RNFT2: variants seen among roughly 807,000 people sequenced by gnomAD.
RNFT2 encodes E3 ubiquitin-protein ligase RNFT2.
A neutral mutation model predicts 53.0 loss-of-function variants in RNFT2; 36 were observed. That is an observed-to-expected ratio of 0.68 (90% CI 0.52 to 0.90). The LOEUF is 0.90. RNFT2 is among the 40% of genes least tolerant of loss of function. The pLI is 0.00. For missense variants in RNFT2, 514 were observed against 585.6 expected, an observed-to-expected ratio of 0.88 and a Z score of 1.26; for synonymous variants, 260 against 253.2, an observed-to-expected ratio of 1.03 and a Z score of -0.26.
intron 3 of RNFT2, among the ~76,000 whole-genome samples, chr12:116,743,250 T>G (rs1871727608): frequency 6.2e-5 from 1 of 16,190 alleles, no homozygotes; most frequent in African/African-American, 1.7e-4. Flanking sequence ...AAAAACCGGT[T>G]AAAAAACACT....
chr12:116,751,577 T>C (rs1461537172), intron 4 of RNFT2, among the ~76,000 whole-genome samples: 2 of 151,688 alleles, frequency 1.3e-5, no homozygotes, highest in Non-Finnish European at 2.9e-5. Context: ...CTAATTTTTG[T>C]ATTTTTTAGT....
chr12:116,764,939 C>A (rs1872847275), intron 5 of RNFT2, among the ~76,000 whole-genome samples: 1 of 152,130 alleles, frequency 6.6e-6, no homozygotes, highest in Non-Finnish European at 1.5e-5. Flanking sequence ...GGGGCTAGGT[C>A]TGTCTCAAAT....
At chr12:116,813,414 A>G (rs1875485336) in intron 7 of RNFT2, among the ~76,000 whole-genome samples, 1 of 152,138 alleles carries the variant, frequency 6.6e-6, no homozygotes, top group Non-Finnish European at 1.5e-5. Flanking sequence ...TCCCTGTGCT[A>G]GGAACACTGT....
intron 7 of RNFT2, among the ~76,000 whole-genome samples, chr12:116,809,503 T>C (rs574873611): frequency 6.6e-6 from 1 of 152,228 alleles, no homozygotes; most frequent in Admixed American, 6.5e-5. Flanking sequence ...AAAGAGCACT[T>C]TGATATGCAA....
At chr12:116,841,169 A>C (rs1877228616) in intron 10 of RNFT2, among the ~76,000 whole-genome samples, 1 of 152,182 alleles carries the variant, frequency 6.6e-6, no homozygotes, top group Non-Finnish European at 1.5e-5. Context: ...ATCCAGGCAC[A>C]GGCCAGGCAT....
intron 7 of RNFT2, among the ~76,000 whole-genome samples, chr12:116,797,738 C>G (rs76353798): frequency 8.0e-6 from 1 of 125,666 alleles, no homozygotes; most frequent in Non-Finnish European, 1.9e-5. Context: ...CGTGACTACT[C>G]CTGCAGAGCA....
chr12:116,742,522 C>T lies in RNFT2; in HGVS notation c.83+1428C>T, dbSNP rs564709903. On this transcript the variant is annotated intron_variant, in intron 3 of 10. Transcript: ENST00000257575. Reference sequence around the variant, plus strand: ...GCTCAAGCGATCTGTCCGACTTGGCCGCCCAAGCTCCTGCTCGCTGGGATT... The same window carrying T: ...GCTCAAGCGATCTGTCCGACTTGGCTGCCCAAGCTCCTGCTCGCTGGGATT... Among the ~76,000 whole-genome samples, 281 of 152,216 alleles carry T rather than the reference C, an allele frequency of 1.8e-3. 1 individual carries two copies. Among genetic ancestry groups the T allele is most frequent in the African/African-American group, 6.4e-3 (266 of 41,556 alleles).
At chr12:116,809,159 G>C (rs1423096581) in intron 7 of RNFT2, among the ~76,000 whole-genome samples, 1 of 151,768 alleles carries the variant, frequency 6.6e-6, no homozygotes, top group Non-Finnish European at 1.5e-5. Context: ...GAAGAACACA[G>C]AGGCTGGGCA....
rs71099003 is a variant in RNFT2, at chr12:116,841,958, TAGAGAGAGAGAG to T, written c.1200+5693_1200+5704del. 3.9e-3 allele frequency among the ~76,000 whole-genome samples: 25 copies of T among 6,388 alleles called. 2 individuals carry two copies. The East Asian group carries it at 0.044, about 11-fold the overall frequency. The allele number at this position is 6,388 out of a possible 152,430, so 4.2% of individuals were successfully genotyped here. A position where few individuals can be genotyped will look rare whatever the true frequency, so the allele number is the denominator to read the frequency against. ...ATAAATATATATATAAATATATATATAGAGAGAGAGAGAGAGAGAGAGAGAGAGGGAGGATCC... is the reference window on the plus strand; with the variant it reads ...ATAAATATATATATAAATATATATATAGAGAGAGAGAGAGAGGGAGGATCC... On this transcript the variant is annotated intron_variant, in intron 10 of 10. Coordinates refer to ENST00000257575, the MANE Select transcript of RNFT2 (RefSeq NM_001382266.1).
At position 116,844,020 on chromosome 12, in the gene RNFT2, G is replaced by A. The variant is rs527513144; in HGVS notation, c.1201-5294G>A. The stretch of plus-strand genomic sequence containing the variant: ...AGCATTTAGAACAGTGGTTCCCAAA[G>A]TGTGGCCAGGGTACCCCTGGGGGTT... On this transcript the variant is annotated intron_variant, in intron 10 of 10. Coordinates refer to ENST00000257575, the MANE Select transcript of RNFT2 (RefSeq NM_001382266.1). Among the ~76,000 whole-genome samples, 242 of 152,328 alleles carry A rather than the reference G, an allele frequency of 1.6e-3. 1 individual carries two copies. The highest frequency in any genetic ancestry group is 5.2e-3 in the African/African-American group (218 of 41,566).
intron 7 of RNFT2, among the ~76,000 whole-genome samples, chr12:116,832,146 A>ATATATATATATAT (rs59112507): frequency 1.2e-3 from 87 of 71,046 alleles, no homozygotes; most frequent in South Asian, 2.6e-3. Flanking sequence ...AAAAAAAAAA[A>ATATATATATATAT]AAATATATAT....
Position 116,751,466 on chromosome 12 carries a change from C to T in RNFT2, c.550+1159C>T, listed in dbSNP as rs537919030. Among the ~76,000 whole-genome samples, 98 of 151,994 alleles carry T rather than the reference C, an allele frequency of 6.4e-4. 3 individuals are homozygous for T. In the South Asian group the frequency reaches 0.019, roughly 30 times the overall value. Reference sequence around the variant, plus strand: ...TTGCCCAGGCTGGAGTGCAATGGCGCGACCTCTGCTCACTGCAACCTCCAC... The same window carrying T: ...TTGCCCAGGCTGGAGTGCAATGGCGTGACCTCTGCTCACTGCAACCTCCAC... On this transcript the variant is annotated intron_variant, in intron 4 of 10. Coordinates refer to ENST00000257575, the MANE Select transcript of RNFT2 (RefSeq NM_001382266.1).
At chr12:116,814,949 C>T (rs984992069) in intron 7 of RNFT2, among the ~76,000 whole-genome samples, 5 of 152,218 alleles carry the variant, frequency 3.3e-5, no homozygotes, top group East Asian at 1.9e-4. Context: ...TTAGCCAGGC[C>T]GGTCACAAAC....
At chr12:116,779,609 T>C (rs548651365) in intron 7 of RNFT2, among the ~76,000 whole-genome samples, 1 of 152,276 alleles carries the variant, frequency 6.6e-6, no homozygotes, top group Admixed American at 6.5e-5. Context: ...CTACCCTTGA[T>C]GCAATTTTCA....
chr12:116,761,919 A>C (rs1336758476), intron 5 of RNFT2, among the ~76,000 whole-genome samples: 1 of 152,018 alleles, frequency 6.6e-6, no homozygotes, highest in Non-Finnish European at 1.5e-5. Flanking sequence ...TAGTGCATCC[A>C]GGCCGGTCGC....
At chr12:116,832,148 A>ATATATATAT (rs56674314) in intron 7 of RNFT2, among the ~76,000 whole-genome samples, 9 of 55,172 alleles carry the variant, frequency 1.6e-4, no homozygotes, top group East Asian at 1.6e-3. Context: ...AAAAAAAAAA[A>ATATATATAT]ATATATATAT....
intron 5 of RNFT2, among the ~76,000 whole-genome samples, chr12:116,765,474 C>T (rs1872868286): frequency 6.6e-6 from 1 of 152,150 alleles, no homozygotes; most frequent in Admixed American, 6.6e-5. Flanking sequence ...ACCGAAACCA[C>T]AGGGAAGGTT....
chr12:116,767,119 C>T (rs1872952775), intron 6 of RNFT2, among the ~76,000 whole-genome samples: 1 of 152,204 alleles, frequency 6.6e-6, no homozygotes, highest in African/African-American at 2.4e-5. Context: ...AAATTAACAT[C>T]TTCTAGTTAC....
At chr12:116,827,333 G>A (rs564262088) in intron 7 of RNFT2, among the ~76,000 whole-genome samples, 13 of 152,294 alleles carry the variant, frequency 8.5e-5, no homozygotes, top group African/African-American at 3.1e-4. Context: ...CTTTTCATAG[G>A]CGGTGACAGT....
Sources: allele counts gnomAD v4.1 joint callset (sites outside exome capture counted in the v4.1 genomes callset), GRCh38; gene constraint gnomAD v4.1.1; transcripts MANE v1.5; gene names NCBI Gene and HGNC (gene_info 2026-07-23, HGNC 2026-07-21).